BRD10: variants seen among roughly 807,000 people sequenced by gnomAD.
BRD10 encodes bromodomain containing 10, also known as uncharacterized bromodomain-containing protein 10.
chr9:5,916,938 CAT>C, the BRD10 span, among the ~76,000 whole-genome samples: 5 of 152,172 alleles, frequency 3.3e-5, no homozygotes, highest in Admixed American at 6.5e-5. Context: ...CAGAAATCCA[CAT>C]GACCTACAAA....
the BRD10 span, chr9:5,968,353 C>G: frequency 1.9e-6 from 3 of 1,610,464 alleles, no homozygotes; most frequent in Admixed American, 5.0e-5. Context: ...TGGGTTCAAT[C>G]TTTATTCTGG....
chr9:5,920,846 T>C, the BRD10 span: 4 of 1,613,970 alleles, frequency 2.5e-6, no homozygotes, highest in Non-Finnish European at 3.4e-6. Context: ...TGATGCAAGG[T>C]GTCCTGTTTT....
At chr9:5,938,278 C>T in the BRD10 span, among the ~76,000 whole-genome samples, 1 of 151,876 alleles carries the variant, frequency 6.6e-6, no homozygotes, top group Non-Finnish European at 1.5e-5. Flanking sequence ...TTATCTCTTC[C>T]AAAAGATACA....
At chr9:5,898,605 C>A in the BRD10 span, among the ~76,000 whole-genome samples, 3 of 152,232 alleles carry the variant, frequency 2.0e-5, no homozygotes, top group African/African-American at 7.2e-5. Context: ...TAAGCACTGA[C>A]GGTTTATAGG....
chr9:5,888,855 T>C, the BRD10 span, among the ~76,000 whole-genome samples: 1 of 152,220 alleles, frequency 6.6e-6, no homozygotes, highest in South Asian at 2.1e-4. Context: ...AACGGTCTTT[T>C]TGAAATGTTG....
chr9:5,969,199 T>G, the BRD10 span: 3 of 1,613,818 alleles, frequency 1.9e-6, no homozygotes, highest in Non-Finnish European at 2.5e-6. Context: ...GAGAAGTCAT[T>G]ATTTTCGATA....
At chr9:5,943,461 C>A in the BRD10 span, among the ~76,000 whole-genome samples, 1 of 149,272 alleles carries the variant, frequency 6.7e-6, no homozygotes, top group Non-Finnish European at 1.5e-5. Context: ...ACAACCTCTG[C>A]AAAAAACAGT....
the BRD10 span, among the ~76,000 whole-genome samples, chr9:5,950,908 T>C: frequency 2.6e-5 from 4 of 152,266 alleles, no homozygotes; most frequent in South Asian, 6.2e-4. Context: ...TGTTATATCA[T>C]ATTGTTTAGG....
the BRD10 span, chr9:5,919,449 G>C: frequency 2.4e-6 from 1 of 417,836 alleles, no homozygotes; most frequent in Non-Finnish European, 4.2e-6. Context: ...ACAGAACCTT[G>C]AAACCCTCCT....
the BRD10 span, chr9:5,914,177 C>T: frequency 5.4e-6 from 2 of 368,568 alleles, no homozygotes; most frequent in Admixed American, 7.2e-5. Flanking sequence ...CATGCATCAT[C>T]ATGTCTGCGA....
the BRD10 span, chr9:5,924,699 G>A: frequency 6.4e-7 from 1 of 1,557,798 alleles, no homozygotes; most frequent in Non-Finnish European, 8.7e-7. Flanking sequence ...CAGAGGTTCT[G>A]TTGAGTCTAT....
chr9:5,976,441 G>A, the BRD10 span, among the ~76,000 whole-genome samples: 1 of 152,092 alleles, frequency 6.6e-6, no homozygotes, highest in Non-Finnish European at 1.5e-5. Flanking sequence ...ATAGGATACT[G>A]TATCTTAGAA....
At chr9:5,920,552 G>C in the BRD10 span, 1 of 1,613,986 alleles carries the variant, frequency 6.2e-7, no homozygotes, top group East Asian at 2.2e-5. Flanking sequence ...ACCTGGACTT[G>C]TTGAAAGGGA....
At chr9:5,975,153 G>A in the BRD10 span, among the ~76,000 whole-genome samples, 1 of 151,934 alleles carries the variant, frequency 6.6e-6, no homozygotes, top group Admixed American at 6.6e-5. Context: ...CTAGCAATAA[G>A]GGCTGGGCGT....
At chr9:5,887,534 A>C in the BRD10 span, among the ~76,000 whole-genome samples, 1 of 152,294 alleles carries the variant, frequency 6.6e-6, no homozygotes, top group Admixed American at 6.5e-5. Context: ...CCAGTCATAT[A>C]TGGGCCAGGC....
chr9:5,990,323 G>C, the BRD10 span, among the ~76,000 whole-genome samples: 2 of 152,138 alleles, frequency 1.3e-5, no homozygotes, highest in Non-Finnish European at 2.9e-5. Flanking sequence ...CTTCAATACT[G>C]ATGAAAGAGA....
the BRD10 span, among the ~76,000 whole-genome samples, chr9:5,970,857 G>C: frequency 1.2e-3 from 186 of 152,030 alleles, 1 homozygote; most frequent in Non-Finnish European, 2.4e-3. Flanking sequence ...TTTGAGACCA[G>C]CCAGGCCAAC....
At chr9:5,969,554 A>T in the BRD10 span, 1 of 727,282 alleles carries the variant, frequency 1.4e-6, no homozygotes, top group Non-Finnish European at 2.2e-6. Context: ...TTATTTATTT[A>T]TTTATTTGAG....
the BRD10 span, chr9:5,969,139 C>T: frequency 6.2e-7 from 1 of 1,613,848 alleles, no homozygotes; most frequent in Non-Finnish European, 8.5e-7. Context: ...TCCTATAAGG[C>T]AAAGTAGGTC....
Sources: allele counts gnomAD v4.1 joint callset (sites outside exome capture counted in the v4.1 genomes callset), GRCh38; gene constraint gnomAD v4.1.1; transcripts MANE v1.5; gene names NCBI Gene and HGNC (gene_info 2026-07-23, HGNC 2026-07-21).